The following SUZ12 variants were observed in gnomAD, a reference collection of about 807,000 sequenced individuals.
SUZ12 encodes polycomb protein SUZ12.
In SUZ12, 17 loss-of-function variants were observed where a neutral mutation model predicts 87.3. The observed-to-expected ratio is 0.19, with a 90% confidence interval of 0.13 to 0.29. The LOEUF (loss-of-function observed/expected upper bound fraction) is 0.29, where lower values mean the gene tolerates loss of function less well. Ranked by LOEUF, SUZ12 falls within the 10% of genes least tolerant of loss-of-function variation. The probability of loss-of-function intolerance (pLI) is 1.00; values close to 1 mark genes in which losing one functional copy is unlikely to be tolerated. For synonymous variants in SUZ12, 253 were observed against 312.4 expected, an observed-to-expected ratio of 0.81 and a Z score of 2.01; for missense variants, 526 against 912.2, an observed-to-expected ratio of 0.58 and a Z score of 5.45.
intron 4 of SUZ12, 105 bp from the exon 5 acceptor site, chr17:31,966,042 T>C (rs1421056054): frequency 4.1e-6 from 4 of 987,442 alleles, no homozygotes; most frequent in Non-Finnish European, 5.9e-6. Flanking sequence ...CAAATATTTA[T>C]AAATTGGTTG....
intron 5 of SUZ12, among the ~76,000 whole-genome samples, chr17:31,968,131 C>T (rs1598167190): frequency 6.6e-6 from 1 of 152,182 alleles, no homozygotes; most frequent in Admixed American, 6.5e-5. Context: ...GATCACACCA[C>T]TGTACTCCAG....
At chr17:31,938,674 G>A (rs1461499526) in intron 1 of SUZ12, among the ~76,000 whole-genome samples, 2 of 152,234 alleles carry the variant, frequency 1.3e-5, no homozygotes, top group African/African-American at 4.8e-5. Flanking sequence ...ATGTAGAACT[G>A]AAGGGCAGTG....
intron 9 of SUZ12, among the ~76,000 whole-genome samples, chr17:31,983,839 T>C (rs1433525508): frequency 6.6e-6 from 1 of 152,240 alleles, no homozygotes; most frequent in African/African-American, 2.4e-5. Context: ...GTAATACATT[T>C]ATCAAGAAAT....
At chr17:31,994,789 G>GCC in intron 13 of SUZ12, 68 bp downstream of exon 13, 1 of 1,518,710 alleles carries the variant, frequency 6.6e-7, no homozygotes, top group South Asian at 1.3e-5. Flanking sequence ...GAACAAAGGA[G>GCC]CCAGATGAAG....
At chr17:31,982,877 T>G in intron 8 of SUZ12, 122 bp from the exon 9 acceptor site, 1 of 1,327,042 alleles carries the variant, frequency 7.5e-7, no homozygotes, top group Non-Finnish European at 1.0e-6. Flanking sequence ...TAAAATCTTG[T>G]TGGGTATGTA....
rs1218743923 is a variant in SUZ12 at position 31,995,660 on chromosome 17, G to A, written c.1692G>A (p.Leu564=). ...QRTYSSGHNR[L]YFHSDTCLPL... is the part of the protein sequence containing the mutation. Reference sequence around the variant, plus strand: ...CATATAGTAGTGGCCACAATCGTCTGTATTTCCATAGTGATACCTGCTTAC... The same window carrying A: ...CATATAGTAGTGGCCACAATCGTCTATATTTCCATAGTGATACCTGCTTAC... The change falls in exon 14 of 16, where the codon CTG becomes CTA. Residue 564 remains leucine, a synonymous_variant. Transcript: ENST00000322652. The A allele has an allele frequency of 6.2e-7, 1 of 1,613,854 alleles. No homozygotes were observed.
chr17:31,944,302 A>G (rs1345057381), intron 3 of SUZ12, among the ~76,000 whole-genome samples: 1 of 151,540 alleles, frequency 6.6e-6, no homozygotes, highest in African/African-American at 2.4e-5. Flanking sequence ...CTCATTTTGT[A>G]TTTTTAGGAG....
In SUZ12 at chr17:31,994,549, A is replaced by C. The variant is rs752210642; in HGVS notation, c.1438-15A>C. ...GGATACTTAATATATTTTTTTTTTT[A>C]CATTTTTGTTGCAGTATCATCCAAA... is the stretch of plus-strand genomic sequence containing the variant. On this transcript the variant is annotated splice_polypyrimidine_tract_variant and intron_variant, in intron 12 of 15. Coordinates refer to ENST00000322652, the MANE Select transcript of SUZ12 (RefSeq NM_015355.4). The C allele has an allele frequency of 1.3e-6, 2 of 1,555,800 alleles. No homozygotes were observed. Among genetic ancestry groups the C allele is most frequent in the Admixed American group, 2.0e-5 (1 of 49,746 alleles).
intron 3 of SUZ12, 137 bp from the exon 4 acceptor site, chr17:31,947,480 G>C: frequency 8.7e-7 from 1 of 1,152,424 alleles, no homozygotes; most frequent in South Asian, 1.4e-5. Flanking sequence ...CATTGTTATG[G>C]CTAATCATCC....
At chr17:31,948,057 C>T (rs1182909195) in intron 4 of SUZ12, among the ~76,000 whole-genome samples, 1 of 151,962 alleles carries the variant, frequency 6.6e-6, no homozygotes, top group Non-Finnish European at 1.5e-5. Context: ...CACAATATCA[C>T]GTATCTTGTA....
chr17:31,941,770 C>T (rs1168972162), intron 3 of SUZ12, among the ~76,000 whole-genome samples: 2 of 151,562 alleles, frequency 1.3e-5, no homozygotes, highest in African/African-American at 2.4e-5. Context: ...AGGATGGTCT[C>T]GATCTCCTGA....
At chr17:31,962,600 A>C (rs1197816948) in intron 4 of SUZ12, among the ~76,000 whole-genome samples, 9 of 152,232 alleles carry the variant, frequency 5.9e-5, no homozygotes, top group African/African-American at 2.2e-4. Flanking sequence ...GAAAGCAAAA[A>C]ACAAAATCTT....
At chr17:31,968,634 A>C (rs536057263) in intron 5 of SUZ12, among the ~76,000 whole-genome samples, 1 of 152,326 alleles carries the variant, frequency 6.6e-6, no homozygotes, top group South Asian at 2.1e-4. Flanking sequence ...TTTTATATAG[A>C]AGTAACCTGG....
intron 3 of SUZ12, among the ~76,000 whole-genome samples, chr17:31,941,790 C>A (rs914046309): frequency 5.9e-5 from 9 of 152,056 alleles, no homozygotes; most frequent in Non-Finnish European, 2.9e-5. Context: ...ACGTCAGGAT[C>A]CGCCTGCCTC....
At chr17:31,998,284 T>A (rs1910087129) in intron 15 of SUZ12, among the ~76,000 whole-genome samples, 2 of 152,058 alleles carry the variant, frequency 1.3e-5, no homozygotes, top group South Asian at 4.1e-4. Context: ...TTTCACAGTG[T>A]TAGCCAGGAT....
chr17:31,965,851 C>G, intron 4 of SUZ12: 1 of 246,176 alleles, frequency 4.1e-6, no homozygotes, highest in Non-Finnish European at 7.8e-6. Context: ...TACCTGGCCT[C>G]CAACTTGGTA....
chr17:31,955,943 GCT>G (rs1907303563), intron 4 of SUZ12, among the ~76,000 whole-genome samples: 1 of 151,258 alleles, frequency 6.6e-6, no homozygotes, highest in South Asian at 2.1e-4. Flanking sequence ...ATGGAGTCTC[GCT>G]CTGTCGCCCA....
chr17:32,000,220 A>T lies in SUZ12; in HGVS notation c.*1217A>T. On this transcript the variant is annotated 3_prime_UTR_variant, in exon 16 of 16. Coordinates refer to ENST00000322652, the MANE Select transcript of SUZ12 (RefSeq NM_015355.4). Reference sequence around the variant, plus strand: ...GCATTTTCATATTCTTTATTTATAAAGGATCAATGCTGCTGTAAATACAGG... The same window carrying T: ...GCATTTTCATATTCTTTATTTATAATGGATCAATGCTGCTGTAAATACAGG... The T allele has an allele frequency of 4.3e-6, 1 of 233,246 alleles. No homozygotes were observed. Among genetic ancestry groups the T allele is most frequent in the Non-Finnish European group, 8.5e-6 (1 of 117,798 alleles). 14.4% of individuals were successfully genotyped at this position (233,246 alleles called of 1,614,324 possible).
At chr17:31,996,124 C>A (rs1051769723) in intron 14 of SUZ12, among the ~76,000 whole-genome samples, 2 of 152,078 alleles carry the variant, frequency 1.3e-5, no homozygotes, top group African/African-American at 2.4e-5. Flanking sequence ...GCAGGAGAGT[C>A]GCTTAACCCC....
Sources: allele counts gnomAD v4.1 joint callset (sites outside exome capture counted in the v4.1 genomes callset), GRCh38; gene constraint gnomAD v4.1.1; transcripts MANE v1.5; gene names NCBI Gene and HGNC (gene_info 2026-07-23, HGNC 2026-07-21).